AGBL4: variants seen among roughly 807,000 people sequenced by gnomAD.
AGBL4 encodes the protein cytosolic carboxypeptidase 6.
AGBL4 carries 58 observed loss-of-function variants against 66.4 expected under a neutral mutation model. The ratio of observed to expected loss-of-function variants is 0.87; its 90% confidence interval spans 0.71 to 1.09. AGBL4 has a LOEUF of 1.09. AGBL4 is among the 50% of genes least tolerant of loss of function. The probability of loss-of-function intolerance (pLI) is 0.00; values close to 1 mark genes in which losing one functional copy is unlikely to be tolerated. For synonymous variants in AGBL4, 234 were observed against 222.9 expected, an observed-to-expected ratio of 1.05 and a Z score of -0.44; for missense variants, 579 against 631.0, an observed-to-expected ratio of 0.92 and a Z score of 0.88.
chr1:49,696,161 A>G (rs1646979786), intron 3 of AGBL4, among the ~76,000 whole-genome samples: 1 of 152,204 alleles, frequency 6.6e-6, no homozygotes, highest in South Asian at 2.1e-4. Flanking sequence ...TCATCTGCTT[A>G]AAACAATCAT....
chr1:49,128,116 A>C (rs1183460825), intron 4 of AGBL4, among the ~76,000 whole-genome samples: 2 of 152,056 alleles, frequency 1.3e-5, no homozygotes, highest in African/African-American at 4.8e-5. Flanking sequence ...GAAAGAAGAA[A>C]GATATAAAAA....
At chr1:48,623,774 G>C (rs1344267293) in intron 9 of AGBL4, among the ~76,000 whole-genome samples, 2 of 152,214 alleles carry the variant, frequency 1.3e-5, no homozygotes, top group East Asian at 3.9e-4. Flanking sequence ...TATGCAGATA[G>C]GAACCTGCTC....
rs1646303303 is a variant in AGBL4 at position 49,851,458 on chromosome 1, G to A, written c.95C>T (p.Pro32Leu). 1 of 1,550,256 alleles carries A rather than the reference G, an allele frequency of 6.5e-7. No homozygotes were observed. Among genetic ancestry groups the A allele is most frequent in the Non-Finnish European group, 8.7e-7 (1 of 1,146,212 alleles). The change falls in exon 2 of 14, where the codon CCA becomes CTA. Residue 32 changes from proline (P) to leucine (L), a missense_variant. Physicochemically the swap from Pro to Leu is moderately conservative, Grantham distance 98 (BLOSUM62 -3). Coordinates refer to ENST00000371839, the MANE Select transcript of AGBL4 (RefSeq NM_032785.4). ...CTTGGGCTGTCCACAATAGCCAGTTGGAAGCACTATATATTTGCTCACATT... is the reference window on the plus strand; with the variant it reads ...CTTGGGCTGTCCACAATAGCCAGTTAGAAGCACTATATATTTGCTCACATT... ...GGNVSKYIVL[P>L]TGYCGQPKKG...
chr1:49,674,571 T>TACACACACACACAC (rs139707283), intron 3 of AGBL4, among the ~76,000 whole-genome samples: 1 of 143,752 alleles, frequency 7.0e-6, no homozygotes, highest in African/African-American at 2.5e-5. Flanking sequence ...AAGAATAAAA[T>TACACACACACACAC]ACACACACAC....
At chr1:49,364,994 T>G (rs954822281) in intron 3 of AGBL4, among the ~76,000 whole-genome samples, 2 of 152,188 alleles carry the variant, frequency 1.3e-5, no homozygotes, top group Non-Finnish European at 2.9e-5. Context: ...TCCTGGCACC[T>G]AGTATATATA....
At chr1:48,856,139 T>C (rs1024408529) in intron 6 of AGBL4, among the ~76,000 whole-genome samples, 1 of 152,224 alleles carries the variant, frequency 6.6e-6, no homozygotes, top group Non-Finnish European at 1.5e-5. Flanking sequence ...ATAACTGATA[T>C]TTTCATCACT....
chr1:48,899,063 G>A (rs981308362), intron 5 of AGBL4, among the ~76,000 whole-genome samples: 18 of 152,214 alleles, frequency 1.2e-4, no homozygotes, highest in Non-Finnish European at 2.2e-4. Context: ...CCACGTCGCT[G>A]GGCCTGAGGC....
chr1:48,674,936 T>C (rs976988036), intron 6 of AGBL4, among the ~76,000 whole-genome samples: 4 of 152,310 alleles, frequency 2.6e-5, no homozygotes, highest in South Asian at 4.1e-4. Flanking sequence ...AGTAATTTGC[T>C]TCTCTTTCTG....
chr1:49,834,938 T>G (rs1019439037), intron 2 of AGBL4, among the ~76,000 whole-genome samples: 1 of 152,168 alleles, frequency 6.6e-6, no homozygotes, highest in Non-Finnish European at 1.5e-5. Context: ...TTTGAGAGAA[T>G]GTTTGTTATA....
intron 9 of AGBL4, among the ~76,000 whole-genome samples, chr1:48,625,978 G>A (rs2148403404): frequency 6.6e-6 from 1 of 152,334 alleles, no homozygotes; most frequent in Non-Finnish European, 1.5e-5. Context: ...TCGAACTGCT[G>A]TAGGAAAAAC....
chr1:50,019,362 A>G (rs916941872), intron 1 of AGBL4, among the ~76,000 whole-genome samples: 25 of 150,596 alleles, frequency 1.7e-4, no homozygotes, highest in Admixed American at 1.5e-3. Flanking sequence ...ACCAATTAAG[A>G]TATCATTTCT....
chr1:49,044,547 C>G (rs527262361), intron 5 of AGBL4, among the ~76,000 whole-genome samples: 3 of 152,026 alleles, frequency 2.0e-5, no homozygotes, highest in African/African-American at 7.2e-5. Context: ...TGCAACACTC[C>G]CCAACCCAAG....
chr1:48,789,291 TATA>T (rs200958465), intron 6 of AGBL4, among the ~76,000 whole-genome samples: 1,538 of 43,848 alleles, frequency 0.035, 14 homozygotes, highest in East Asian at 0.21. Flanking sequence ...TATATATATA[TATA>T]TTTTTTTTTT....
At chr1:48,738,687 C>T (rs981352427) in intron 6 of AGBL4, among the ~76,000 whole-genome samples, 1 of 152,158 alleles carries the variant, frequency 6.6e-6, no homozygotes, top group African/African-American at 2.4e-5. Context: ...TCAAAAATCT[C>T]TGCTTTTTTC....
At chr1:48,937,242 G>C (rs1171893247) in intron 5 of AGBL4, among the ~76,000 whole-genome samples, 1 of 152,192 alleles carries the variant, frequency 6.6e-6, no homozygotes, top group Non-Finnish European at 1.5e-5. Context: ...TATTGCTCAA[G>C]ATGCCATGAC....
At chr1:49,025,683 C>A (rs1663609626) in intron 5 of AGBL4, 1 of 152,160 alleles carries the variant, frequency 6.6e-6, no homozygotes, top group Non-Finnish European at 1.5e-5. Context: ...GAAGGAATTA[C>A]AGCTCCAACA....
chr1:50,017,333 G>C (rs1662061339), intron 1 of AGBL4: 2 of 151,838 alleles, frequency 1.3e-5, no homozygotes, highest in Non-Finnish European at 2.9e-5. Context: ...CTAATATCTG[G>C]CATACTTCTC....
chr1:49,594,831 G>A (rs1644821447), intron 3 of AGBL4, among the ~76,000 whole-genome samples: 1 of 152,144 alleles, frequency 6.6e-6, no homozygotes, highest in Non-Finnish European at 1.5e-5. Context: ...AAACATATGT[G>A]TGCATGTGTC....
At chr1:48,815,682 A>C (rs1646156720) in intron 6 of AGBL4, among the ~76,000 whole-genome samples, 1 of 152,222 alleles carries the variant, frequency 6.6e-6, no homozygotes, top group Non-Finnish European at 1.5e-5. Flanking sequence ...CACAGTAGGT[A>C]GAAAGTGAAA....
Sources: allele counts gnomAD v4.1 joint callset (sites outside exome capture counted in the v4.1 genomes callset), GRCh38; gene constraint gnomAD v4.1.1; transcripts MANE v1.5; gene names NCBI Gene and HGNC (gene_info 2026-07-23, HGNC 2026-07-21).